Variants in PAPPA2 observed in about 807,000 individuals in gnomAD.
The protein encoded by PAPPA2 is pappalysin-2.
Under a neutral mutation model 176.4 loss-of-function variants are expected in PAPPA2, and 86 were observed. That is an observed-to-expected ratio of 0.49 (90% CI 0.41 to 0.58). PAPPA2 has a LOEUF of 0.58. PAPPA2 is among the 20% of genes least tolerant of loss of function. PAPPA2 has a pLI of 0.00. For synonymous variants in PAPPA2, 809 were observed against 852.2 expected (o/e 0.95, Z 0.88); for missense variants, 2,073 against 2,256.9 (o/e 0.92, Z 1.65).
At chr1:176,716,724 G>T (rs1661393713) in intron 12 of PAPPA2, among the ~76,000 whole-genome samples, 1 of 148,024 alleles carries the variant, frequency 6.8e-6, no homozygotes, top group Non-Finnish European at 1.5e-5. Context: ...CCATTCTCCT[G>T]CCTCAGCCTC....
intron 3 of PAPPA2, among the ~76,000 whole-genome samples, chr1:176,636,742 A>G (rs1656721833): frequency 6.6e-6 from 1 of 152,104 alleles, no homozygotes; most frequent in Non-Finnish European, 1.5e-5. Context: ...AACATTGTAC[A>G]TCTCTGGTCT....
At position 176,706,233 on chromosome 1, in the gene PAPPA2, TC is replaced by T. The variant is rs1302079788; in HGVS notation, c.3366-124del. 1.0e-5 allele frequency: 7 copies of T among 700,294 alleles called. No homozygotes were observed. The African/African-American group carries it at 1.3e-4, about 13-fold the overall frequency. The allele number at this position is 700,294 out of a possible 1,614,324, so 43.4% of individuals were successfully genotyped here. A position where few individuals can be genotyped will look rare whatever the true frequency, so the allele number is the denominator to read the frequency against. On this transcript the variant is annotated intron_variant, in intron 9 of 22. Transcript: ENST00000367662. ...TTTTCTGTAAAAGCATTCTTCTAGC[TC>T]CTACTTTTTTCCAACTTGCACTTTT...
At chr1:176,764,629 C>T (rs1663854001) in intron 14 of PAPPA2, among the ~76,000 whole-genome samples, 1 of 149,524 alleles carries the variant, frequency 6.7e-6, no homozygotes. Flanking sequence ...CGGAGTCTCG[C>T]TCTGTCGCTC....
intron 4 of PAPPA2, among the ~76,000 whole-genome samples, chr1:176,676,376 A>G (rs758099251): frequency 2.3e-4 from 35 of 152,056 alleles, no homozygotes; most frequent in African/African-American, 4.3e-4. Context: ...AACTGTGTAC[A>G]TCGACACAAT....
intron 2 of PAPPA2, among the ~76,000 whole-genome samples, chr1:176,574,120 T>A (rs1278216425): frequency 3.3e-5 from 5 of 152,136 alleles, no homozygotes; most frequent in African/African-American, 9.7e-5. Context: ...TTGGCCTTGA[T>A]ACAAATGAAT....
chr1:176,747,509 T>TA (rs1195332033), intron 14 of PAPPA2, among the ~76,000 whole-genome samples: 1 of 151,568 alleles, frequency 6.6e-6, no homozygotes, highest in African/African-American at 2.4e-5. Context: ...ACCAAAAAAA[T>TA]AAAAAAATAA....
At chr1:176,504,680 C>T (rs545687164) in intron 1 of PAPPA2, among the ~76,000 whole-genome samples, 1 of 152,244 alleles carries the variant, frequency 6.6e-6, no homozygotes, top group African/African-American at 2.4e-5. Context: ...TCTTACATTT[C>T]CCCTCTCTTT....
intron 2 of PAPPA2, among the ~76,000 whole-genome samples, chr1:176,559,363 C>T (rs1651526531): frequency 6.6e-6 from 1 of 152,152 alleles, no homozygotes; most frequent in South Asian, 2.1e-4. Context: ...ACTTACCACT[C>T]TATATTTTTC....
At chr1:176,805,240 A>T (rs2102954980) in intron 21 of PAPPA2, among the ~76,000 whole-genome samples, 1 of 152,316 alleles carries the variant, frequency 6.6e-6, no homozygotes, top group Non-Finnish European at 1.5e-5. Context: ...TTATAATTAT[A>T]GTCTCCTTTT....
At chr1:176,740,840 T>C (rs2102874815) in intron 14 of PAPPA2, among the ~76,000 whole-genome samples, 1 of 152,238 alleles carries the variant, frequency 6.6e-6, no homozygotes, top group South Asian at 2.1e-4. Context: ...TGGGCTAGAA[T>C]CACTCTATGC....
chr1:176,734,123 A>T (rs1662288327), intron 12 of PAPPA2, among the ~76,000 whole-genome samples: 2 of 152,130 alleles, frequency 1.3e-5, no homozygotes, highest in South Asian at 4.1e-4. Context: ...AGTATCCAAT[A>T]CAAATTTGAC....
intron 1 of PAPPA2, among the ~76,000 whole-genome samples, chr1:176,483,828 G>T (rs566177353): frequency 2.6e-4 from 40 of 152,276 alleles, no homozygotes; most frequent in African/African-American, 9.6e-4. Flanking sequence ...CAGTGGTGAA[G>T]AGATGTCATA....
At chr1:176,654,084 T>C (rs974459603) in intron 3 of PAPPA2, among the ~76,000 whole-genome samples, 2 of 151,824 alleles carry the variant, frequency 1.3e-5, no homozygotes, top group South Asian at 4.1e-4. Flanking sequence ...ATTTTTGTTG[T>C]TGTTACCTGT....
intron 17 of PAPPA2, among the ~76,000 whole-genome samples, chr1:176,775,853 T>C (rs1480415809): frequency 2.0e-5 from 3 of 152,194 alleles, no homozygotes; most frequent in East Asian, 1.9e-4. Context: ...TTTTCTCTTT[T>C]TAAAATTTTT....
chr1:176,600,473 G>A (rs1447517364), intron 3 of PAPPA2, among the ~76,000 whole-genome samples: 3 of 151,578 alleles, frequency 2.0e-5, no homozygotes, highest in Non-Finnish European at 4.4e-5. Flanking sequence ...TCAGGAGATC[G>A]AGACCATCCT....
Position 176,709,977 on chromosome 1 carries a change from T to C in PAPPA2, c.3458-6T>C. 6.3e-7 allele frequency: 1 copy of C among 1,592,292 alleles called. No individual in the cohort carries two copies. The highest frequency in any genetic ancestry group is 8.5e-7 in the Non-Finnish European group (1 of 1,170,582). The stretch of plus-strand genomic sequence containing the variant: ...TTTTTCTGTGTCACACAATATTTCT[T>C]GGCAGGAGAGCCAAGCCTTTGCTAC... On this transcript the variant is annotated splice_polypyrimidine_tract_variant and splice_region_variant and intron_variant, in intron 10 of 22. Transcript: ENST00000367662.
intron 1 of PAPPA2, among the ~76,000 whole-genome samples, chr1:176,489,801 G>A (rs542450758): frequency 2.0e-5 from 3 of 152,246 alleles, no homozygotes; most frequent in African/African-American, 7.2e-5. Context: ...AGCATCTATG[G>A]CACTAAATGA....
Position 176,753,691 on chromosome 1 carries a change from G to T in PAPPA2, c.4152-11975G>T, listed in dbSNP as rs1164331056. On this transcript the variant is annotated intron_variant, in intron 14 of 22. Coordinates refer to ENST00000367662, the MANE Select transcript of PAPPA2 (RefSeq NM_020318.3). ...GTGATGGGAAATGTTCTCTCTTGCT[G>T]CTGGGAAAGGCACTATAGAAATGAA... Among the ~76,000 whole-genome samples, 4 of 150,744 alleles carry T rather than the reference G, an allele frequency of 2.7e-5. No homozygotes were observed. In the East Asian group the frequency reaches 7.8e-4, roughly 29 times the overall value.
intron 1 of PAPPA2, among the ~76,000 whole-genome samples, chr1:176,473,988 T>A (rs1366445207): frequency 6.6e-6 from 1 of 152,204 alleles, no homozygotes; most frequent in Non-Finnish European, 1.5e-5. Context: ...TGATATTTGA[T>A]GGAATTTTTG....
Sources: allele counts gnomAD v4.1 joint callset (sites outside exome capture counted in the v4.1 genomes callset), GRCh38; gene constraint gnomAD v4.1.1; transcripts MANE v1.5; gene names NCBI Gene and HGNC (gene_info 2026-07-23, HGNC 2026-07-21).